Variants in MCC observed in about 807,000 individuals in gnomAD.
MCC encodes colorectal mutant cancer protein.
In MCC, 90 loss-of-function variants were observed where a neutral mutation model predicts 116.2. The ratio of observed to expected loss-of-function variants is 0.77; its 90% CI spans 0.65 to 0.92. MCC has a LOEUF of 0.92. Ranked by LOEUF, MCC falls within the 40% of genes least tolerant of loss-of-function variation. The pLI is 0.00. For synonymous variants in MCC, 578 were observed against 510.5 expected (o/e 1.13, Z -1.78); for missense variants, 1,516 against 1,312.2 (o/e 1.16, Z -2.40).
At chr5:113,415,678 T>C (rs953991649) in intron 1 of MCC, among the ~76,000 whole-genome samples, 2 of 152,172 alleles carry the variant, frequency 1.3e-5, no homozygotes, top group African/African-American at 4.8e-5. Flanking sequence ...CTAATCTTTT[T>C]TCAAGGCTTT....
chr5:113,248,728 A>T (rs1315037042), intron 3 of MCC, among the ~76,000 whole-genome samples: 2 of 152,124 alleles, frequency 1.3e-5, no homozygotes, highest in African/African-American at 4.8e-5. Context: ...TCCCATGTTA[A>T]CGGTAGGGTT....
At chr5:113,096,739 C>T (rs2150251540) in intron 8 of MCC, among the ~76,000 whole-genome samples, 1 of 152,286 alleles carries the variant, frequency 6.6e-6, no homozygotes, top group Middle Eastern at 3.4e-3. Context: ...GAGACGTGCA[C>T]CTGTCCCCTA....
At chr5:113,433,619 C>G (rs1198940321) in intron 1 of MCC, 1 of 1,274,298 alleles carries the variant, frequency 7.8e-7, no homozygotes, top group Non-Finnish European at 1.1e-6. Flanking sequence ...AGAGAAGAAG[C>G]TGATGAAAAT....
intron 3 of MCC, among the ~76,000 whole-genome samples, chr5:113,179,953 C>G (rs1203903191): frequency 6.6e-6 from 1 of 152,184 alleles, no homozygotes; most frequent in African/African-American, 2.4e-5. Flanking sequence ...ATATACATAC[C>G]TACATCTTGG....
chr5:113,433,277 C>A (rs55794576), intron 1 of MCC: 11,367 of 218,120 alleles, frequency 0.052, 797 homozygotes, highest in African/African-American at 0.18. Flanking sequence ...CCCACCCAAC[C>A]CCCAACCCAG....
At chr5:113,389,055 C>T (rs1287594974) in intron 1 of MCC, among the ~76,000 whole-genome samples, 3 of 152,172 alleles carry the variant, frequency 2.0e-5, no homozygotes, top group Non-Finnish European at 4.4e-5. Flanking sequence ...ATCATCTATA[C>T]ATGTGTTATC....
chr5:113,252,890 T>G (rs925360003), intron 3 of MCC, among the ~76,000 whole-genome samples: 1 of 152,264 alleles, frequency 6.6e-6, no homozygotes, highest in Admixed American at 6.5e-5. Flanking sequence ...TCTGCAAATA[T>G]GCAGGAAACT....
chr5:113,453,909 G>A (rs1271914834), intron 1 of MCC, among the ~76,000 whole-genome samples: 2 of 152,036 alleles, frequency 1.3e-5, no homozygotes, highest in African/African-American at 4.8e-5. Flanking sequence ...TTGGGAGTTC[G>A]AGACCACCCT....
chr5:113,062,253 A>C (rs1475430458), intron 14 of MCC, among the ~76,000 whole-genome samples: 1 of 152,260 alleles, frequency 6.6e-6, no homozygotes, highest in African/African-American at 2.4e-5. Context: ...CTCAATCTGC[A>C]GAAAAACAGG....
At chr5:113,074,678 T>A (rs549740120) in intron 11 of MCC, among the ~76,000 whole-genome samples, 1 of 152,310 alleles carries the variant, frequency 6.6e-6, no homozygotes, top group South Asian at 2.1e-4. Flanking sequence ...ATAAACAGTG[T>A]AGACAAGTCC....
At chr5:113,057,467 G>C (rs1237814925) in intron 14 of MCC, among the ~76,000 whole-genome samples, 2 of 150,298 alleles carry the variant, frequency 1.3e-5, no homozygotes, top group African/African-American at 2.5e-5. Flanking sequence ...AATGACTACT[G>C]ATCATCAGCA....
In MCC at chr5:113,269,310, TA is replaced by T. The variant is rs535436504; in HGVS notation, c.627+71208del. 1.9e-3 allele frequency: 909 copies of T among 474,424 alleles called. 10 individuals carry two copies. The African/African-American group carries it at 0.03, about 16-fold the overall frequency. The allele number at this position is 474,424 out of a possible 1,614,324, so 29.4% of individuals were successfully genotyped here. ...AGGCCAATGAACTCTTTTTCAATGA[TA>T]CCTTTTTCAATGATACCTTAACTGA... is the stretch of plus-strand genomic sequence containing the variant. On this transcript the variant is annotated intron_variant, in intron 3 of 18. Coordinates refer to ENST00000408903, the MANE Select transcript of MCC (RefSeq NM_001085377.2).
intron 12 of MCC, among the ~76,000 whole-genome samples, chr5:113,070,175 G>A (rs1288819036): frequency 1.3e-5 from 2 of 152,184 alleles, no homozygotes; most frequent in African/African-American, 4.8e-5. Context: ...CATTCATTTT[G>A]CTTTGATAAT....
intron 3 of MCC, among the ~76,000 whole-genome samples, chr5:113,293,795 A>T (rs778285186): frequency 6.6e-6 from 1 of 151,758 alleles, no homozygotes; most frequent in Non-Finnish European, 1.5e-5. Flanking sequence ...TTCTCCCCAG[A>T]CCCCTCCCCA....
intron 3 of MCC, chr5:113,234,584 G>A (rs1273504918): frequency 6.6e-6 from 1 of 152,224 alleles, no homozygotes; most frequent in South Asian, 2.1e-4. Flanking sequence ...TCCCTCAAAA[G>A]AGGTCTCTAT....
At chr5:113,406,917 C>A (rs1483072449) in intron 1 of MCC, among the ~76,000 whole-genome samples, 1 of 152,134 alleles carries the variant, frequency 6.6e-6, no homozygotes, top group African/African-American at 2.4e-5. Flanking sequence ...GTTCTACACC[C>A]CTTGAGCCTG....
intron 11 of MCC, among the ~76,000 whole-genome samples, chr5:113,075,472 A>T (rs567362245): frequency 6.6e-6 from 1 of 152,208 alleles, no homozygotes; most frequent in East Asian, 1.9e-4. Flanking sequence ...CCAGCGCAGG[A>T]TCCACTAGGT....
chr5:113,417,858 G>A (rs1475413879), intron 1 of MCC, among the ~76,000 whole-genome samples: 6 of 151,964 alleles, frequency 3.9e-5, no homozygotes, highest in African/African-American at 9.7e-5. Context: ...ACTTGAGTCC[G>A]GGAGATCAAG....
intron 3 of MCC, among the ~76,000 whole-genome samples, chr5:113,248,861 T>C (rs1298114952): frequency 1.4e-5 from 2 of 146,542 alleles, no homozygotes; most frequent in African/African-American, 5.1e-5. Context: ...GGAGTCTCAC[T>C]GTGTCACCCA....
Sources: allele counts gnomAD v4.1 joint callset (sites outside exome capture counted in the v4.1 genomes callset), GRCh38; gene constraint gnomAD v4.1.1; transcripts MANE v1.5; gene names NCBI Gene and HGNC (gene_info 2026-07-23, HGNC 2026-07-21).